ACOT1: variants seen among roughly 807,000 people sequenced by gnomAD.
ACOT1 encodes acyl-coenzyme A thioesterase 1.
In ACOT1, 8 loss-of-function variants were observed where a neutral mutation model predicts 15.7. That is an observed-to-expected ratio of 0.51 (90% CI 0.30 to 0.92). The LOEUF (loss-of-function observed/expected upper bound fraction) is 0.92. Among genes scored for constraint, ACOT1 ranks in the 40% least tolerant of loss-of-function variants. ACOT1 has a pLI of 0.06. For missense variants in ACOT1, 151 were observed against 539.4 expected (o/e 0.28, Z 7.13); for synonymous variants, 67 against 241.2 (o/e 0.28, Z 6.69).
chr14:73,491,713 G>T, the ACOT1 span: 1 of 1,550,680 alleles, frequency 6.4e-7, no homozygotes, highest in Non-Finnish European at 8.7e-7. Flanking sequence ...TGGTGCGGCG[G>T]CAGGACCACA....
At chr14:73,496,826 G>A in the ACOT1 span, 1 of 605,358 alleles carries the variant, frequency 1.7e-6, no homozygotes, top group Non-Finnish European at 2.9e-6. Flanking sequence ...TGCAAAAATG[G>A]TATAATGCTT....
At chr14:73,514,211 G>T in the ACOT1 span, 2 of 1,614,136 alleles carry the variant, frequency 1.2e-6, no homozygotes, top group Non-Finnish European at 1.7e-6. Context: ...GTCCAGCGCA[G>T]GGCTCCTTGC....
the ACOT1 span, among the ~76,000 whole-genome samples, chr14:73,499,347 G>A: frequency 2.6e-5 from 4 of 152,184 alleles, no homozygotes; most frequent in Non-Finnish European, 5.9e-5. Flanking sequence ...CGGGCATGGT[G>A]TCACACGCCT....
the ACOT1 span, among the ~76,000 whole-genome samples, chr14:73,515,235 C>G: frequency 1.3e-5 from 2 of 152,080 alleles, no homozygotes; most frequent in African/African-American, 4.8e-5. Flanking sequence ...ATTCACACTG[C>G]CTATTAGTCT....
At chr14:73,539,765 C>T (rs1395934824) in intron 1 of ACOT1, 2 of 117,790 alleles carry the variant, frequency 1.7e-5, no homozygotes, top group African/African-American at 5.5e-5. Flanking sequence ...CATCAGCACA[C>T]GCGTGGGCTG....
chr14:73,520,781 C>A, the ACOT1 span: 1 of 1,406,366 alleles, frequency 7.1e-7, no homozygotes, highest in Non-Finnish European at 9.8e-7. Context: ...CTGTTTCCAG[C>A]CCCCAGCAAT....
chr14:73,491,899 C>T, the ACOT1 span: 1 of 1,612,034 alleles, frequency 6.2e-7, no homozygotes, highest in Non-Finnish European at 8.5e-7. Flanking sequence ...AGGCCGGCTG[C>T]TCCCTGCGTC....
chr14:73,522,849 T>C, the ACOT1 span: 1 of 1,614,100 alleles, frequency 6.2e-7, no homozygotes, highest in Non-Finnish European at 8.5e-7. Context: ...GTATGGATGA[T>C]GTCATTGGTA....
the ACOT1 span, chr14:73,493,390 A>C: frequency 1.0e-5 from 4 of 401,156 alleles, no homozygotes; most frequent in East Asian, 1.8e-4. Flanking sequence ...GTGCCAAAGA[A>C]TGTTTCCCTT....
the ACOT1 span, among the ~76,000 whole-genome samples, chr14:73,514,839 C>T: frequency 1.4e-4 from 21 of 152,132 alleles, no homozygotes; most frequent in African/African-American, 3.4e-4. Context: ...GAGGCCGAGG[C>T]GAGCAGATCA....
At chr14:73,506,548 A>G in the ACOT1 span, 1 of 1,613,690 alleles carries the variant, frequency 6.2e-7, no homozygotes, top group South Asian at 1.1e-5. Flanking sequence ...TCAGCTCCAC[A>G]GCAAGCATGG....
the ACOT1 span, chr14:73,493,208 C>A: frequency 9.4e-7 from 1 of 1,061,980 alleles, no homozygotes; most frequent in South Asian, 1.3e-5. Context: ...ACTTCATCAC[C>A]TTCAGGCTTC....
At chr14:73,511,736 G>A in the ACOT1 span, among the ~76,000 whole-genome samples, 1 of 151,896 alleles carries the variant, frequency 6.6e-6, no homozygotes, top group African/African-American at 2.4e-5. Context: ...AAAAAGAATG[G>A]GATCTTCAAG....
chr14:73,525,048 A>C, the ACOT1 span, among the ~76,000 whole-genome samples: 1 of 151,710 alleles, frequency 6.6e-6, no homozygotes. Context: ...TTTTTTTGAG[A>C]CAGGGTCTTG....
chr14:73,502,852 T>G, the ACOT1 span: 1 of 1,500,578 alleles, frequency 6.7e-7, no homozygotes. Flanking sequence ...TAAACACTTC[T>G]AAGAATTTAG....
chr14:73,491,450 A>G, the ACOT1 span: 2 of 1,388,140 alleles, frequency 1.4e-6, no homozygotes, highest in East Asian at 3.0e-5. Flanking sequence ...GGTGGTGGAG[A>G]CCTCGGCCCT....
chr14:73,509,775 T>G, the ACOT1 span, among the ~76,000 whole-genome samples: 1 of 128,988 alleles, frequency 7.8e-6, no homozygotes, highest in African/African-American at 2.9e-5. Context: ...ACCATTAGTT[T>G]TAGTGATTAA....
chr14:73,493,567 G>A, the ACOT1 span, among the ~76,000 whole-genome samples: 9 of 152,028 alleles, frequency 5.9e-5, no homozygotes, highest in South Asian at 2.1e-4. Context: ...GGCTGGGTGC[G>A]GTACTCATGC....
chr14:73,531,746 C>T, the ACOT1 span, among the ~76,000 whole-genome samples: 12 of 112,942 alleles, frequency 1.1e-4, 3 homozygotes, highest in African/African-American at 2.0e-4. Flanking sequence ...CTCAGCCAGG[C>T]GCAATGGCTG....
Sources: allele counts gnomAD v4.1 joint callset (sites outside exome capture counted in the v4.1 genomes callset), GRCh38; gene constraint gnomAD v4.1.1; transcripts MANE v1.5; gene names NCBI Gene and HGNC (gene_info 2026-07-23, HGNC 2026-07-21).